The following SLCO1A2 variants were observed in gnomAD, a reference collection of about 807,000 sequenced individuals.
The protein encoded by SLCO1A2 is solute carrier organic anion transporter family member 1A2.
SLCO1A2 carries 67 observed loss-of-function variants against 69.0 expected under a neutral mutation model. The observed-to-expected ratio is 0.97, with a 90% CI of 0.80 to 1.19. SLCO1A2 has a LOEUF of 1.19. Among genes scored for constraint, SLCO1A2 ranks in the 50% most tolerant of loss-of-function variants. The pLI, the probability that SLCO1A2 is intolerant of heterozygous loss-of-function variation, is 0.00. For missense variants in SLCO1A2, 787 were observed against 793.7 expected (o/e 0.99, Z 0.10); for synonymous variants, 260 against 265.9 (o/e 0.98, Z 0.22).
intron 2 of SLCO1A2, chr12:21,319,684 A>G (rs933320731): frequency 5.1e-5 from 17 of 333,606 alleles, no homozygotes; most frequent in Admixed American, 2.7e-4. Flanking sequence ...GCTTCTGTTT[A>G]TCCTTACTGC....
intron 2 of SLCO1A2, among the ~76,000 whole-genome samples, chr12:21,356,320 G>T (rs2137029298): frequency 6.6e-6 from 1 of 152,036 alleles, no homozygotes; most frequent in African/African-American, 2.4e-5. Flanking sequence ...ACATACCTAT[G>T]ATATTAAGAA....
At chr12:21,304,368 T>G (rs975467401) in intron 6 of SLCO1A2, 59 bp downstream of exon 6, 1 of 1,362,480 alleles carries the variant, frequency 7.3e-7, no homozygotes, top group Admixed American at 1.9e-5. Flanking sequence ...TATAACTAAT[T>G]TCTAACCTCA....
rs998392064 is a variant in SLCO1A2 at position 21,268,917 on chromosome 12, T to G, written c.*631A>C. On this transcript the variant is annotated 3_prime_UTR_variant, in exon 15 of 15. Coordinates refer to ENST00000683939, the MANE Select transcript of SLCO1A2 (RefSeq NM_001386879.1). Reference sequence around the variant, plus strand: ...TGCCTCATGATGTTTAATAACCTGCTTAAGTTTGTCAGTATTCTGTACAAA... The same window carrying G: ...TGCCTCATGATGTTTAATAACCTGCGTAAGTTTGTCAGTATTCTGTACAAA... 6.6e-6 allele frequency: 1 copy of G among 152,184 alleles called. No individual in the cohort carries two copies. The highest frequency in any genetic ancestry group is 2.4e-5 in the African/African-American group (1 of 41,568). 9.4% of individuals were successfully genotyped at this position (152,184 alleles called of 1,614,324 possible). A position where few individuals can be genotyped will look rare whatever the true frequency, so the allele number is the denominator to read the frequency against.
intron 6 of SLCO1A2, 141 bp downstream of exon 6, chr12:21,304,286 A>C (rs1406018633): frequency 1.1e-5 from 7 of 647,656 alleles, no homozygotes; most frequent in Non-Finnish European, 1.6e-5. Flanking sequence ...TCCATTCAAC[A>C]AACTTTTATG....
At chr12:21,389,415 C>A (rs1414775851) in intron 1 of SLCO1A2, among the ~76,000 whole-genome samples, 7 of 152,080 alleles carry the variant, frequency 4.6e-5, no homozygotes, top group Admixed American at 3.9e-4. Flanking sequence ...GACATATTAA[C>A]AAGCTAAGAT....
In SLCO1A2 at chr12:21,300,717, T is replaced by C. The variant is rs527483694; in HGVS notation, c.689-148A>G. ...CACTGATAAAATTTTTCTAATAATA[T>C]GTGGTGTTGTAATATTGTCTAGTAA... On this transcript the variant is annotated intron_variant, in intron 7 of 14. Coordinates refer to ENST00000683939, the MANE Select transcript of SLCO1A2 (RefSeq NM_001386879.1). 3.5e-4 allele frequency: 214 copies of C among 603,894 alleles called. 4 individuals carry two copies. The South Asian group carries it at 6.0e-3, about 17-fold the overall frequency. The allele number at this position is 603,894 out of a possible 1,614,324, so 37.4% of individuals were successfully genotyped here.
At position 21,269,353 on chromosome 12, in the gene SLCO1A2, T is replaced by C; in HGVS notation, c.*195A>G. On this transcript the variant is annotated 3_prime_UTR_variant, in exon 15 of 15. Transcript: ENST00000683939. The stretch of plus-strand genomic sequence containing the variant: ...CTTCTTTAGGGGGCTGTTATTGATG[T>C]CCCTCCTAGGAAAACTCAAGTGTCA... The C allele has an allele frequency of 2.3e-6, 1 of 431,508 alleles. No homozygotes were observed. Among genetic ancestry groups the C allele is most frequent in the Non-Finnish European group, 4.1e-6 (1 of 244,558 alleles). 26.7% of individuals were successfully genotyped at this position (431,508 alleles called of 1,614,324 possible). A position where few individuals can be genotyped will look rare whatever the true frequency, so the allele number is the denominator to read the frequency against.
At chr12:21,300,842 A>G (rs761681694) in intron 7 of SLCO1A2, among the ~76,000 whole-genome samples, 2 of 152,170 alleles carry the variant, frequency 1.3e-5, no homozygotes, top group Non-Finnish European at 2.9e-5. Flanking sequence ...ATGATTGCTT[A>G]AAGTTCTATT....
chr12:21,338,265 C>A (rs1047040345), upstream of SLCO1A2, among the ~76,000 whole-genome samples: 2 of 151,892 alleles, frequency 1.3e-5, no homozygotes, highest in African/African-American at 2.4e-5. Context: ...TGGTGTCCAA[C>A]CCTCTACTGC....
At chr12:21,374,136 T>G (rs1005678822) in intron 2 of SLCO1A2, among the ~76,000 whole-genome samples, 5 of 152,164 alleles carry the variant, frequency 3.3e-5, no homozygotes, top group African/African-American at 9.6e-5. Flanking sequence ...TCCTGGGAAG[T>G]CTTATTACGA....
chr12:21,333,478 GTA>G (rs1433618668), intron 2 of SLCO1A2, among the ~76,000 whole-genome samples: 1 of 152,062 alleles, frequency 6.6e-6, no homozygotes, highest in African/African-American at 2.4e-5. Flanking sequence ...TGCTTAATGA[GTA>G]TATTTCTAAG....
chr12:21,303,009 C>T (rs1328355802), intron 6 of SLCO1A2, among the ~76,000 whole-genome samples: 1 of 152,066 alleles, frequency 6.6e-6, no homozygotes, highest in Admixed American at 6.6e-5. Flanking sequence ...CAACTTTTAA[C>T]CTAGCTTTTA....
intron 2 of SLCO1A2, among the ~76,000 whole-genome samples, chr12:21,325,153 C>T (rs1952118748): frequency 6.6e-6 from 1 of 152,152 alleles, no homozygotes; most frequent in Non-Finnish European, 1.5e-5. Context: ...TCAGCTTCTA[C>T]CCTACATTGT....
intron 12 of SLCO1A2, among the ~76,000 whole-genome samples, chr12:21,290,274 T>C (rs891312210): frequency 1.1e-4 from 17 of 152,022 alleles, no homozygotes; most frequent in African/African-American, 4.1e-4. Context: ...AAGTAATCTA[T>C]GGAATCTACA....
chr12:21,373,520 G>C (rs1291911541), intron 2 of SLCO1A2: 6 of 876,082 alleles, frequency 6.8e-6, no homozygotes, highest in Admixed American at 5.3e-5. Context: ...TACAGCCTTA[G>C]ATTTCTGACT....
Position 21,266,585 on chromosome 12 carries a change from C to G in SLCO1A2, c.*2963G>C, listed in dbSNP as rs1026050630. ...TCCACCCACAGAAGTCATTCTGGTT[C>G]TGTCTCCATGTCTATATACACAATG... On this transcript the variant is annotated 3_prime_UTR_variant, in exon 15 of 15. Transcript: ENST00000683939. 6.6e-6 allele frequency: 1 copy of G among 152,000 alleles called. No homozygotes were observed. The highest frequency in any genetic ancestry group is 1.5e-5 in the Non-Finnish European group (1 of 67,980). The allele number at this position is 152,000 out of a possible 1,614,324, so 9.4% of individuals were successfully genotyped here. A position where few individuals can be genotyped will look rare whatever the true frequency, so the allele number is the denominator to read the frequency against.
chr12:21,288,618 T>C (rs1226238946), intron 12 of SLCO1A2, among the ~76,000 whole-genome samples: 1 of 152,124 alleles, frequency 6.6e-6, no homozygotes, highest in East Asian at 1.9e-4. Context: ...AGAGTGACTA[T>C]AGTGGAAAAT....
At chr12:21,381,069 A>T (rs1432811436) in intron 1 of SLCO1A2, among the ~76,000 whole-genome samples, 1 of 152,154 alleles carries the variant, frequency 6.6e-6, no homozygotes, top group Non-Finnish European at 1.5e-5. Context: ...AAGTTGGGTG[A>T]GTGGGCTTAA....
chr12:21,292,465 C>G (rs2136313186), intron 11 of SLCO1A2, 129 bp from the exon 12 acceptor site: 1 of 605,180 alleles, frequency 1.7e-6, no homozygotes, highest in African/African-American at 1.8e-5. Context: ...ATTATGATGT[C>G]TCTCAAGATT....
Sources: allele counts gnomAD v4.1 joint callset (sites outside exome capture counted in the v4.1 genomes callset), GRCh38; gene constraint gnomAD v4.1.1; transcripts MANE v1.5; gene names NCBI Gene and HGNC (gene_info 2026-07-23, HGNC 2026-07-21).